The following ACACA variants were observed in gnomAD, a reference collection of about 807,000 sequenced individuals.
ACACA encodes acetyl-CoA carboxylase 1.
ACACA carries 103 observed loss-of-function variants against 296.1 expected under a neutral mutation model. That is an observed-to-expected ratio of 0.35 (90% CI 0.30 to 0.41). The LOEUF is 0.41. ACACA is among the 10% of genes least tolerant of loss of function. The pLI, the probability that ACACA is intolerant of heterozygous loss-of-function variation, is 1.00. For synonymous variants in ACACA, 953 were observed against 1,038.6 expected (o/e 0.92, Z 1.58); for missense variants, 1,554 against 2,989.7 (o/e 0.52, Z 11.20).
chr17:37,260,288 ATATATATATTTTTTTTTT>A (rs1218495600), intron 11 of ACACA, among the ~76,000 whole-genome samples: 3 of 24,044 alleles, frequency 1.2e-4, no homozygotes, highest in East Asian at 2.5e-3. Context: ...ATATATATAT[ATATATATATTTTTTTTTT>A]TTTTTTTTTT....
intron 1 of ACACA, among the ~76,000 whole-genome samples, chr17:37,401,871 G>A (rs1198202917): frequency 2.6e-5 from 4 of 152,114 alleles, no homozygotes; most frequent in East Asian, 3.9e-4. Flanking sequence ...GAAACTCTAC[G>A]TTTGATTCTA....
chr17:37,217,260 CAAAAAAAAA>C (rs34419580), intron 29 of ACACA, among the ~76,000 whole-genome samples: 2 of 42,526 alleles, frequency 4.7e-5, no homozygotes, highest in Non-Finnish European at 9.1e-5. Flanking sequence ...AACTCTATCT[CAAAAAAAAA>C]AAAAAAAAAA....
intron 52 of ACACA, among the ~76,000 whole-genome samples, chr17:37,103,882 G>GC (rs113776669): frequency 0.032 from 4,929 of 152,116 alleles, 215 homozygotes; most frequent in African/African-American, 0.099. Context: ...CCTCCTGCAT[G>GC]CCCCCCAAAA....
At chr17:37,338,226 C>CAA (rs564232257) in intron 2 of ACACA, among the ~76,000 whole-genome samples, 33 of 67,424 alleles carry the variant, frequency 4.9e-4, no homozygotes, top group African/African-American at 1.2e-3. Context: ...GACTCCGTCT[C>CAA]AAAAAAAAAA....
intron 1 of ACACA, chr17:37,386,083 A>G: frequency 1.9e-6 from 3 of 1,600,886 alleles, no homozygotes; most frequent in South Asian, 1.1e-5. Context: ...TGCCCCTTCT[A>G]TAACTCCTGG....
At chr17:37,212,279 T>A (rs1487524061) in intron 29 of ACACA, among the ~76,000 whole-genome samples, 1 of 152,214 alleles carries the variant, frequency 6.6e-6, no homozygotes, top group Non-Finnish European at 1.5e-5. Context: ...CTTCACAGGA[T>A]GACGGCCATG....
At chr17:37,245,690 GC>G (rs2080661646) in intron 19 of ACACA, among the ~76,000 whole-genome samples, 1 of 151,882 alleles carries the variant, frequency 6.6e-6, no homozygotes, top group Non-Finnish European at 1.5e-5. Flanking sequence ...TTCATTTCTG[GC>G]CCAAAGTACT....
At chr17:37,226,267 G>T in intron 26 of ACACA, 72 bp downstream of exon 26, 1 of 1,161,276 alleles carries the variant, frequency 8.6e-7, no homozygotes, top group Non-Finnish European at 1.3e-6. Context: ...TTAAGCAAAA[G>T]TTCATTGTGT....
Position 37,207,734 on chromosome 17 carries a change from C to CAGT in ACACA, c.3771_3773dup (p.Leu1259dup). ...AAGGTGGAGTGAATGAGTTGTCCAACAGTACATCGCTGACACTAGCTACAT... is the reference window on the plus strand; with the variant it reads ...AAGGTGGAGTGAATGAGTTGTCCAACAGTAGTACATCGCTGACACTAGCTACAT... On this transcript the variant is annotated inframe_insertion, in exon 31 of 56. Transcript: ENST00000616317. The CAGT allele has an allele frequency of 6.2e-7, 1 of 1,614,042 alleles. No homozygotes were observed. Among genetic ancestry groups the CAGT allele is most frequent in the Non-Finnish European group, 8.5e-7 (1 of 1,179,914 alleles).
chr17:37,379,119 T>C (rs2050133352), intron 1 of ACACA: 2 of 1,601,912 alleles, frequency 1.2e-6, no homozygotes, highest in Non-Finnish European at 1.7e-6. Flanking sequence ...TTTTTCTATC[T>C]GGTTCTTCTC....
intron 1 of ACACA, among the ~76,000 whole-genome samples, chr17:37,402,103 A>G (rs2051311015): frequency 6.6e-6 from 1 of 152,222 alleles, no homozygotes; most frequent in Admixed American, 6.6e-5. Context: ...ATGGATTTGG[A>G]TATTATTAAT....
At chr17:37,203,935 C>T (rs189350701) in intron 33 of ACACA, among the ~76,000 whole-genome samples, 75 of 152,304 alleles carry the variant, frequency 4.9e-4, no homozygotes, top group African/African-American at 1.7e-3. Context: ...CTCATACTGA[C>T]CACTGCAATC....
At chr17:37,101,734 G>A (rs1367318150) in intron 52 of ACACA, among the ~76,000 whole-genome samples, 5 of 152,202 alleles carry the variant, frequency 3.3e-5, no homozygotes, top group African/African-American at 1.2e-4. Flanking sequence ...CCAGGACAAT[G>A]TCTCCAATAG....
intron 1 of ACACA, among the ~76,000 whole-genome samples, chr17:37,343,111 G>A (rs2048461011): frequency 6.6e-6 from 1 of 151,998 alleles, no homozygotes; most frequent in South Asian, 2.1e-4. Context: ...CCGAGTAGCT[G>A]GGATTACAGA....
intron 3 of ACACA, among the ~76,000 whole-genome samples, chr17:37,302,882 A>G (rs1174269411): frequency 6.6e-6 from 1 of 152,228 alleles, no homozygotes; most frequent in African/African-American, 2.4e-5. Flanking sequence ...CTTAAAGGGT[A>G]CAATTCAATA....
At chr17:37,140,536 G>A (rs1238650533) in intron 45 of ACACA, 1 of 152,856 alleles carries the variant, frequency 6.5e-6, no homozygotes, top group Non-Finnish European at 1.5e-5. Flanking sequence ...GAGATCCTCT[G>A]GTCTTCTACT....
At chr17:37,227,189 C>T (rs1471868653) in intron 25 of ACACA, among the ~76,000 whole-genome samples, 1 of 152,164 alleles carries the variant, frequency 6.6e-6, no homozygotes, top group African/African-American at 2.4e-5. Flanking sequence ...TAATCTCAAT[C>T]ATATTCTGAG....
At chr17:37,256,512 C>T (rs937917157) in intron 14 of ACACA, among the ~76,000 whole-genome samples, 2 of 152,156 alleles carry the variant, frequency 1.3e-5, no homozygotes, top group African/African-American at 4.8e-5. Context: ...TTTGTGGGGC[C>T]ATTAGAGCCC....
At chr17:37,283,933 G>GAA (rs1308852022) in intron 4 of ACACA, among the ~76,000 whole-genome samples, 1 of 152,206 alleles carries the variant, frequency 6.6e-6, no homozygotes, top group Non-Finnish European at 1.5e-5. Context: ...TAGAAAAATA[G>GAA]AATAATCCTG....
Sources: allele counts gnomAD v4.1 joint callset (sites outside exome capture counted in the v4.1 genomes callset), GRCh38; gene constraint gnomAD v4.1.1; transcripts MANE v1.5; gene names NCBI Gene and HGNC (gene_info 2026-07-23, HGNC 2026-07-21).